Variants in THSD7B observed in about 807,000 individuals in gnomAD.
THSD7B encodes the protein thrombospondin type-1 domain-containing protein 7B.
In THSD7B, 138 loss-of-function variants were observed where a neutral mutation model predicts 213.6. The observed-to-expected ratio is 0.65, with a 90% CI of 0.56 to 0.74. The LOEUF (loss-of-function observed/expected upper bound fraction) is 0.74, where lower values mean the gene tolerates loss of function less well. THSD7B is among the 30% of genes least tolerant of loss of function. THSD7B has a pLI of 0.00. For synonymous variants in THSD7B, 742 were observed against 687.0 expected (o/e 1.08, Z -1.25); for missense variants, 1,931 against 1,991.5 (o/e 0.97, Z 0.58).
intron 1 of THSD7B, among the ~76,000 whole-genome samples, chr2:136,833,363 C>CA (rs10639590): frequency 0.016 from 883 of 55,380 alleles, 92 homozygotes; most frequent in African/African-American, 0.048. Flanking sequence ...GACTCCGTCT[C>CA]AAAAAAAAAA....
At chr2:137,456,083 TTTA>T (rs1687756613) in intron 15 of THSD7B, among the ~76,000 whole-genome samples, 1 of 152,230 alleles carries the variant, frequency 6.6e-6, no homozygotes, top group Non-Finnish European at 1.5e-5. Context: ...TGAAATCATT[TTTA>T]TTATGTTTGC....
At chr2:136,990,708 C>T (rs1454091646) in intron 2 of THSD7B, among the ~76,000 whole-genome samples, 1 of 152,134 alleles carries the variant, frequency 6.6e-6, no homozygotes, top group Non-Finnish European at 1.5e-5. Context: ...ACATTAAATA[C>T]ACTAGATTGA....
intron 7 of THSD7B, among the ~76,000 whole-genome samples, chr2:137,188,184 A>T (rs540984765): frequency 6.6e-6 from 1 of 152,296 alleles, no homozygotes; most frequent in Admixed American, 6.5e-5. Flanking sequence ...CAACCCTTTC[A>T]TTACACTGAG....
chr2:137,413,174 G>A (rs1186075307), intron 14 of THSD7B, among the ~76,000 whole-genome samples: 1 of 151,920 alleles, frequency 6.6e-6, no homozygotes, highest in African/African-American at 2.4e-5. Context: ...TCCTAGATTA[G>A]TCTACATTAA....
At chr2:137,579,806 T>G (rs1442266162) in intron 17 of THSD7B, among the ~76,000 whole-genome samples, 3 of 152,154 alleles carry the variant, frequency 2.0e-5, no homozygotes, top group Non-Finnish European at 2.9e-5. Context: ...TAAATGTTAT[T>G]ACTATTAGGT....
At chr2:137,092,670 C>G (rs559040733) in intron 3 of THSD7B, among the ~76,000 whole-genome samples, 3 of 151,934 alleles carry the variant, frequency 2.0e-5, no homozygotes, top group Non-Finnish European at 4.4e-5. Flanking sequence ...AGACTTTGCC[C>G]GTCACCCAGG....
chr2:137,599,753 G>T (rs528139944), intron 17 of THSD7B, among the ~76,000 whole-genome samples: 2 of 152,288 alleles, frequency 1.3e-5, no homozygotes, highest in South Asian at 2.1e-4. Flanking sequence ...CTAGCTCGAA[G>T]AAATTCATTT....
Position 137,405,685 on chromosome 2 carries a change from C to A in THSD7B, c.2573C>A (p.Pro858His), listed in dbSNP as rs1686500215. ...TGCCTCAAGCAGACAAACGGCATGCCTCTCCTTGTGCAAGAATGCACAGTC... is the reference window on the plus strand; with the variant it reads ...TGCCTCAAGCAGACAAACGGCATGCATCTCCTTGTGCAAGAATGCACAGTC... ...MECLKQTNGM[P>H]LLVQECTVPC... The change falls in exon 13 of 28, where the codon CCT becomes CAT. Residue 858 changes from proline (P) to histidine (H), a missense_variant. Transcript: ENST00000409968. The A allele has an allele frequency of 4.3e-6, 7 of 1,613,618 alleles. No individual in the cohort carries two copies. The highest frequency in any genetic ancestry group is 5.9e-6 in the Non-Finnish European group (7 of 1,179,772).
chr2:136,779,338 C>T (rs911214410), intron 1 of THSD7B, among the ~76,000 whole-genome samples: 1 of 152,092 alleles, frequency 6.6e-6, no homozygotes, highest in African/African-American at 2.4e-5. Context: ...GACCCAATTT[C>T]TCAGGGCACA....
chr2:136,778,115 C>T (rs1227013078), intron 1 of THSD7B, among the ~76,000 whole-genome samples: 1 of 152,144 alleles, frequency 6.6e-6, no homozygotes, highest in Non-Finnish European at 1.5e-5. Flanking sequence ...TTTCCAAGAA[C>T]ACCTACAACC....
At chr2:137,666,187 C>T (rs1683442580) in intron 26 of THSD7B, among the ~76,000 whole-genome samples, 1 of 151,978 alleles carries the variant, frequency 6.6e-6, no homozygotes, top group African/African-American at 2.4e-5. Context: ...TACCTCTAAA[C>T]TGAGTATTTA....
At position 137,345,550 on chromosome 2, in the gene THSD7B, TGA is replaced by T. The variant is rs75818270; in HGVS notation, c.2501-60058_2501-60057del. Among the ~76,000 whole-genome samples the T allele has an allele frequency of 2.6e-5, 4 of 151,590 alleles. No homozygotes were observed. In the East Asian group the frequency reaches 7.8e-4, roughly 29 times the overall value. On this transcript the variant is annotated intron_variant, in intron 12 of 27. Coordinates refer to ENST00000409968, the MANE Select transcript of THSD7B (RefSeq NM_001316349.2). ...TAATTTGAGAAAAAGAAATGGGGTG[TGA>T]GAGACCATGCTACTTGGTCACATGC...
At chr2:137,671,725 G>A (rs1339437381) in intron 27 of THSD7B, among the ~76,000 whole-genome samples, 1 of 152,038 alleles carries the variant, frequency 6.6e-6, no homozygotes, top group Non-Finnish European at 1.5e-5. Flanking sequence ...GGGTTTATAG[G>A]GATTACAACT....
chr2:137,085,406 A>G (rs1687819746), intron 3 of THSD7B, among the ~76,000 whole-genome samples: 1 of 152,216 alleles, frequency 6.6e-6, no homozygotes, highest in South Asian at 2.1e-4. Flanking sequence ...GATAATGTAC[A>G]GAGAGAAATA....
intron 14 of THSD7B, among the ~76,000 whole-genome samples, chr2:137,414,513 G>A (rs949845447): frequency 1.3e-5 from 2 of 151,350 alleles, no homozygotes; most frequent in African/African-American, 4.9e-5. Flanking sequence ...GAGCCCAAGA[G>A]TTTGAGACAA....
At chr2:137,179,806 T>G (rs1370305791) in intron 7 of THSD7B, among the ~76,000 whole-genome samples, 1 of 152,144 alleles carries the variant, frequency 6.6e-6, no homozygotes, top group African/African-American at 2.4e-5. Flanking sequence ...GCTTCCACAG[T>G]AAGAGTCATG....
At chr2:136,904,251 C>A (rs966896510) in intron 2 of THSD7B, among the ~76,000 whole-genome samples, 1 of 152,054 alleles carries the variant, frequency 6.6e-6, no homozygotes, top group African/African-American at 2.4e-5. Flanking sequence ...CAGAGGTAAC[C>A]CACCCTGGGA....
intron 2 of THSD7B, among the ~76,000 whole-genome samples, chr2:137,015,426 G>A (rs745712634): frequency 3.3e-5 from 5 of 152,094 alleles, no homozygotes; most frequent in Non-Finnish European, 7.4e-5. Context: ...AGGGGTTATT[G>A]CTGAGGGGGC....
chr2:137,494,973 C>T lies in THSD7B; in HGVS notation c.3138+43950C>T, dbSNP rs147898182. Among the ~76,000 whole-genome samples, 18 of 152,284 alleles carry T rather than the reference C, an allele frequency of 1.2e-4. No individual in the cohort carries two copies. In the East Asian group the frequency reaches 3.3e-3, roughly 28 times the overall value. ...AAGAATGCTGCCTTGATTACCATCT[C>T]TACCCCACACCACACAGAGTGCTAC... On this transcript the variant is annotated intron_variant, in intron 15 of 27. Coordinates refer to ENST00000409968, the MANE Select transcript of THSD7B (RefSeq NM_001316349.2).
Sources: allele counts gnomAD v4.1 joint callset (sites outside exome capture counted in the v4.1 genomes callset), GRCh38; gene constraint gnomAD v4.1.1; transcripts MANE v1.5; gene names NCBI Gene and HGNC (gene_info 2026-07-23, HGNC 2026-07-21).